The following PDZD2 variants were observed in gnomAD, a reference collection of about 807,000 sequenced individuals.
PDZD2 encodes the protein PDZ domain containing 2.
PDZD2 carries 90 observed loss-of-function variants against 220.7 expected under a neutral mutation model. That is an observed-to-expected ratio of 0.41 (90% confidence interval 0.34 to 0.49). The LOEUF (loss-of-function observed/expected upper bound fraction) is 0.49, where lower values mean the gene tolerates loss of function less well. PDZD2 is among the 20% of genes least tolerant of loss of function. The pLI, the probability that PDZD2 is intolerant of heterozygous loss-of-function variation, is 0.28. For synonymous variants in PDZD2, 1,375 were observed against 1,450.5 expected, an observed-to-expected ratio of 0.95 and a Z score of 1.18; for missense variants, 3,174 against 3,608.5, an observed-to-expected ratio of 0.88 and a Z score of 3.08.
rs570700289 is a variant in PDZD2, at chr5:31,715,553, A to G, written c.-361+76116A>G. ...AAAGTAAATTCAGAATCATCAAAGG[A>G]AGATAAAATTGTATGTGGCTCAGCC... On this transcript the variant is annotated intron_variant, in intron 1 of 24. Transcript: ENST00000438447. Among the ~76,000 whole-genome samples the G allele has an allele frequency of 5.9e-5, 9 of 152,370 alleles. No homozygotes were observed. In the South Asian group the frequency reaches 1.5e-3, roughly 25 times the overall value.
intron 2 of PDZD2, among the ~76,000 whole-genome samples, chr5:31,866,981 A>G (rs1738285204): frequency 6.6e-6 from 1 of 152,200 alleles, no homozygotes; most frequent in Non-Finnish European, 1.5e-5. Flanking sequence ...AGTTCAGCCC[A>G]AAAGGTTCAG....
chr5:31,728,357 T>G (rs1214687043), intron 1 of PDZD2, among the ~76,000 whole-genome samples: 2 of 152,150 alleles, frequency 1.3e-5, no homozygotes, highest in East Asian at 3.8e-4. Flanking sequence ...TTTCTCTACT[T>G]ACATGTATTC....
At position 31,928,746 on chromosome 5, in the gene PDZD2, A is replaced by G. The variant is rs371582910; in HGVS notation, c.477-54409A>G. ...CTCGACTTCCCAAAGTGTTGGGATT[A>G]CAGGCCTGAGCCACGATGCCGGGCC... is the stretch of plus-strand genomic sequence containing the variant. On this transcript the variant is annotated intron_variant, in intron 2 of 24. Coordinates refer to ENST00000438447, the MANE Select transcript of PDZD2 (RefSeq NM_178140.4). 1.2e-3 allele frequency among the ~76,000 whole-genome samples: 186 copies of G among 152,324 alleles called. 1 individual carries two copies. The highest frequency in any genetic ancestry group is 3.4e-3 in the African/African-American group (143 of 41,590).
At chr5:31,776,429 T>C (rs1248332520) in intron 1 of PDZD2, among the ~76,000 whole-genome samples, 2 of 151,802 alleles carry the variant, frequency 1.3e-5, no homozygotes, top group Non-Finnish European at 1.5e-5. Flanking sequence ...CCTACCCTAC[T>C]CCCCATACAT....
chr5:31,920,479 T>C (rs897150768), intron 2 of PDZD2, among the ~76,000 whole-genome samples: 2 of 142,332 alleles, frequency 1.4e-5, no homozygotes, highest in African/African-American at 5.4e-5. Context: ...CAGTGTACAT[T>C]AGGGTTCGCT....
intron 2 of PDZD2, chr5:31,823,074 C>G: frequency 1.0e-6 from 1 of 986,724 alleles, no homozygotes; most frequent in Non-Finnish European, 1.5e-6. Context: ...CTGTGCATCC[C>G]TTTAGAGTAA....
chr5:32,076,987 T>C (rs1264481562), intron 18 of PDZD2, among the ~76,000 whole-genome samples: 4 of 152,232 alleles, frequency 2.6e-5, no homozygotes, highest in East Asian at 1.9e-4. Context: ...TTGCATTGAA[T>C]GTTAGGTAGA....
intron 3 of PDZD2, among the ~76,000 whole-genome samples, chr5:31,991,987 T>A (rs1250490625): frequency 1.3e-5 from 2 of 152,166 alleles, no homozygotes; most frequent in Non-Finnish European, 2.9e-5. Context: ...GAGCCAAGAT[T>A]GTGCCATTGC....
intron 2 of PDZD2, among the ~76,000 whole-genome samples, chr5:31,965,202 G>T (rs1748619379): frequency 6.6e-6 from 1 of 152,186 alleles, no homozygotes; most frequent in South Asian, 2.1e-4. Flanking sequence ...AGAAGGAAGA[G>T]GCTCTCCCAT....
At chr5:32,003,331 C>CCCACCACACA (rs764711883) in intron 5 of PDZD2, among the ~76,000 whole-genome samples, 1 of 69,704 alleles carries the variant, frequency 1.4e-5, no homozygotes, top group Non-Finnish European at 2.5e-5. Flanking sequence ...ACACACACCC[C>CCCACCACACA]CACCACACCA....
chr5:31,903,106 C>G lies in PDZD2; in HGVS notation c.477-80049C>G, dbSNP rs1448774279. Among the ~76,000 whole-genome samples the G allele has an allele frequency of 2.0e-5, 3 of 151,762 alleles. No homozygotes were observed. In the East Asian group the frequency reaches 5.9e-4, roughly 30 times the overall value. ...GGTCAGGAGTTCGAGACCAGCCTGA[C>G]CAACATGGTGAAACCCTGTCTTTCC... On this transcript the variant is annotated intron_variant, in intron 2 of 24. Coordinates refer to ENST00000438447, the MANE Select transcript of PDZD2 (RefSeq NM_178140.4).
chr5:31,709,208 TATA>T (rs1241700217), intron 1 of PDZD2, among the ~76,000 whole-genome samples: 2 of 152,102 alleles, frequency 1.3e-5, no homozygotes, highest in African/African-American at 4.8e-5. Flanking sequence ...TTTTAAAGAT[TATA>T]ATAATAAGGC....
chr5:31,756,626 A>G (rs913082922), intron 1 of PDZD2, among the ~76,000 whole-genome samples: 2 of 152,222 alleles, frequency 1.3e-5, no homozygotes, highest in African/African-American at 4.8e-5. Context: ...TGGGCACCCC[A>G]CAGAGTGAAC....
chr5:32,104,732 A>T (rs1432769148), intron 24 of PDZD2, among the ~76,000 whole-genome samples: 11 of 147,156 alleles, frequency 7.5e-5, no homozygotes, highest in African/African-American at 2.9e-4. Context: ...AAAAAAAAAA[A>T]AAAAAAAAAA....
intron 1 of PDZD2, chr5:31,692,928 T>C (rs1242567998): frequency 6.6e-6 from 1 of 152,372 alleles, no homozygotes; most frequent in Non-Finnish European, 1.5e-5. Context: ...CCGGCGTTCC[T>C]GCTCAGCTGT....
At chr5:31,951,117 A>G (rs1747139428) in intron 2 of PDZD2, among the ~76,000 whole-genome samples, 1 of 152,098 alleles carries the variant, frequency 6.6e-6, no homozygotes, top group Non-Finnish European at 1.5e-5. Flanking sequence ...CCCAAACTGG[A>G]GAGCAGTGGC....
intron 1 of PDZD2, among the ~76,000 whole-genome samples, chr5:31,760,672 A>G (rs1257757435): frequency 6.6e-6 from 1 of 152,204 alleles, no homozygotes; most frequent in Non-Finnish European, 1.5e-5. Flanking sequence ...CTGTAATCCC[A>G]GCACTTTGAG....
chr5:32,024,202 T>G (rs1754439912), intron 6 of PDZD2, among the ~76,000 whole-genome samples: 1 of 152,204 alleles, frequency 6.6e-6, no homozygotes, highest in African/African-American at 2.4e-5. Context: ...AGTCATATGC[T>G]GAGGTTGCAA....
intron 2 of PDZD2, among the ~76,000 whole-genome samples, chr5:31,974,052 C>T (rs186707201): frequency 4.6e-5 from 7 of 152,310 alleles, no homozygotes; most frequent in Non-Finnish European, 8.8e-5. Flanking sequence ...GCCATCTTGG[C>T]GCTCTGCAGT....
Sources: allele counts gnomAD v4.1 joint callset (sites outside exome capture counted in the v4.1 genomes callset), GRCh38; gene constraint gnomAD v4.1.1; transcripts MANE v1.5; gene names NCBI Gene and HGNC (gene_info 2026-07-23, HGNC 2026-07-21).